Variants in KCNQ1 observed in about 807,000 individuals in gnomAD.
The protein encoded by KCNQ1 is potassium voltage-gated channel subfamily KQT member 1.
KCNQ1 carries 49 observed loss-of-function variants against 72.4 expected under a neutral mutation model. That is an observed-to-expected ratio of 0.68 (90% CI 0.54 to 0.86). The LOEUF is 0.86. Among genes scored for constraint, KCNQ1 ranks in the 40% least tolerant of loss-of-function variants. KCNQ1 has a pLI of 0.00. For missense variants in KCNQ1, 790 were observed against 945.1 expected (o/e 0.84, Z 2.15); for synonymous variants, 450 against 412.6 (o/e 1.09, Z -1.10).
chr11:2,682,931 C>A lies in KCNQ1; in HGVS notation c.1514+20850C>A. The A allele has an allele frequency of 2.5e-6, 1 of 398,570 alleles. No individual in the cohort carries two copies. Among genetic ancestry groups the A allele is most frequent in the South Asian group, 1.3e-4 (1 of 7,824 alleles). The allele number at this position is 398,570 out of a possible 1,614,324, so 24.7% of individuals were successfully genotyped here. A position where few individuals can be genotyped will look rare whatever the true frequency, so the allele number is the denominator to read the frequency against. On this transcript the variant is annotated intron_variant, in intron 11 of 15. Coordinates refer to ENST00000155840, the MANE Select transcript of KCNQ1 (RefSeq NM_000218.3). The surrounding 1 kb of genome is among the most constrained non-coding windows in gnomAD (Gnocchi z 5.8). ...GTGGCACCTGGAGAGGTGCTCAGGT[C>A]TGTGTGGAAGAAAGGACAGGAGTCC...
intron 15 of KCNQ1, among the ~76,000 whole-genome samples, chr11:2,841,646 C>T (rs1461091732): frequency 6.6e-6 from 1 of 152,232 alleles, no homozygotes; most frequent in Non-Finnish European, 1.5e-5. Flanking sequence ...GCCTGCAGGC[C>T]TTGGAGCCCC....
Position 2,769,283 on chromosome 11 carries a change from G to A in KCNQ1, c.1590+364G>A, listed in dbSNP as rs943938214. Among the ~76,000 whole-genome samples the A allele has an allele frequency of 4.6e-5, 7 of 152,154 alleles. No homozygotes were observed. Among genetic ancestry groups the A allele is most frequent in the African/African-American group, 9.7e-5 (4 of 41,436 alleles). On this transcript the variant is annotated intron_variant, in intron 12 of 15. Coordinates refer to ENST00000155840, the MANE Select transcript of KCNQ1 (RefSeq NM_000218.3). The surrounding 1 kb of genome is among the most constrained non-coding windows in gnomAD (Gnocchi z 4.6). ...CATCAGAATGACTCAGAGATGGTGC[G>A]GAGCCTGCCCTGAGTCACCAAGCTG...
chr11:2,584,199 C>G (rs1163582988), intron 7 of KCNQ1, among the ~76,000 whole-genome samples: 3 of 152,124 alleles, frequency 2.0e-5, no homozygotes, highest in African/African-American at 7.2e-5. Flanking sequence ...ATGCATTATA[C>G]ATGTATATCA....
Position 2,473,855 on chromosome 11 carries a change from C to A in KCNQ1, c.386+28371C>A, listed in dbSNP as rs949002353. Among the ~76,000 whole-genome samples the A allele has an allele frequency of 6.6e-6, 1 of 152,220 alleles. No individual in the cohort carries two copies. The highest frequency in any genetic ancestry group is 1.5e-5 in the Non-Finnish European group (1 of 68,026). ...CACCAGCTGGGCAGACAGCCGCATG[C>A]GCTCACCACTCGCCCTCCACAGATG... On this transcript the variant is annotated intron_variant, in intron 1 of 15. Transcript: ENST00000155840. This position sits in a 1 kb window ranked among gnomAD's most constrained non-coding sequence, Gnocchi z 6.0.
intron 8 of KCNQ1, among the ~76,000 whole-genome samples, chr11:2,587,116 C>T (rs1239758422): frequency 6.6e-6 from 1 of 152,206 alleles, no homozygotes; most frequent in Non-Finnish European, 1.5e-5. Context: ...TCTCCCTGCC[C>T]CCTGCTCAGC....
chr11:2,568,106 TAAAAAAATAC>T (rs1419082618), intron 2 of KCNQ1, among the ~76,000 whole-genome samples: 4 of 151,710 alleles, frequency 2.6e-5, no homozygotes, highest in East Asian at 1.9e-4. Flanking sequence ...CCATCTCTAC[TAAAAAAATAC>T]AAAAAAATTA....
At position 2,724,335 on chromosome 11, in the gene KCNQ1, G is replaced by A. The variant is rs941612259; in HGVS notation, c.1515-44509G>A. ...AGGTGACGGCCCTAAATCCTCAGGA[G>A]TGACAGCGTCCTCCCGCCCGGATTG... On this transcript the variant is annotated intron_variant, in intron 11 of 15. Transcript: ENST00000155840. The surrounding 1 kb of genome is among the most constrained non-coding windows in gnomAD (Gnocchi z 6.8). Among the ~76,000 whole-genome samples the A allele has an allele frequency of 1.3e-5, 2 of 152,196 alleles. No individual in the cohort carries two copies. Among genetic ancestry groups the A allele is most frequent in the Non-Finnish European group, 2.9e-5 (2 of 68,020 alleles).
intron 15 of KCNQ1, among the ~76,000 whole-genome samples, chr11:2,800,541 TG>T (rs1279496970): frequency 6.6e-6 from 1 of 151,302 alleles, no homozygotes; most frequent in Non-Finnish European, 1.5e-5. Context: ...GCCCAGGGAG[TG>T]GGGGAAGGGG....
At chr11:2,649,449 C>T in intron 10 of KCNQ1, 2 of 398,496 alleles carry the variant, frequency 5.0e-6, no homozygotes, top group Non-Finnish European at 4.4e-6. Flanking sequence ...CTCCCTTAAG[C>T]ATTTCTTGTG....
At chr11:2,836,917 C>T (rs938645498) in intron 15 of KCNQ1, among the ~76,000 whole-genome samples, 9 of 152,174 alleles carry the variant, frequency 5.9e-5, no homozygotes, top group South Asian at 2.1e-4. Context: ...GGCGGGAGAA[C>T]GTCTTCATAG....
intron 10 of KCNQ1, chr11:2,649,238 T>TA (rs1361493555): frequency 2.5e-6 from 1 of 398,428 alleles, no homozygotes; most frequent in Admixed American, 4.4e-5. Flanking sequence ...GGTGAGGACT[T>TA]ACTCCTGTCA....
intron 15 of KCNQ1, among the ~76,000 whole-genome samples, chr11:2,794,508 C>T (rs549897192): frequency 5.9e-5 from 9 of 152,258 alleles, no homozygotes; most frequent in Non-Finnish European, 4.4e-5. Context: ...AGGCCGTGGT[C>T]AGGGGCGGCA....
At position 2,566,410 on chromosome 11, in the gene KCNQ1, C is replaced by T. The variant is rs1023312849; in HGVS notation, c.478-4218C>T. 5.3e-5 allele frequency among the ~76,000 whole-genome samples: 8 copies of T among 152,272 alleles called. No individual in the cohort carries two copies. In the East Asian group the frequency reaches 1.5e-3, roughly 29 times the overall value. Reference sequence around the variant, plus strand: ...GGGGCGGGGCTCTCTCTGCCATGGACGCCAGTCTTCCCTCCCCTAAGCTGC... The same window carrying T: ...GGGGCGGGGCTCTCTCTGCCATGGATGCCAGTCTTCCCTCCCCTAAGCTGC... On this transcript the variant is annotated intron_variant, in intron 2 of 15. Transcript: ENST00000155840. The surrounding 1 kb of genome is among the most constrained non-coding windows in gnomAD (Gnocchi z 6.7).
chr11:2,476,303 G>A (rs903008617), intron 1 of KCNQ1, among the ~76,000 whole-genome samples: 24 of 152,088 alleles, frequency 1.6e-4, no homozygotes, highest in African/African-American at 5.6e-4. Context: ...TTAATTACAA[G>A]TTTAATTAAT....
intron 15 of KCNQ1, among the ~76,000 whole-genome samples, chr11:2,838,047 G>T (rs1047932183): frequency 6.6e-6 from 1 of 152,252 alleles, no homozygotes; most frequent in African/African-American, 2.4e-5. Flanking sequence ...GGGACAGACT[G>T]AGGAAGCCAG....
In KCNQ1 at chr11:2,678,630, A is replaced by G. The variant is rs72850276; in HGVS notation, c.1514+16549A>G. 0.041 allele frequency: 16,360 copies of G among 398,234 alleles called. 541 individuals are homozygous for G. The highest frequency in any genetic ancestry group is 0.11 in the African/African-American group (5,155 of 48,610). 24.7% of individuals were successfully genotyped at this position (398,234 alleles called of 1,614,324 possible). A position where few individuals can be genotyped will look rare whatever the true frequency, so the allele number is the denominator to read the frequency against. On this transcript the variant is annotated intron_variant, in intron 11 of 15. Transcript: ENST00000155840. This position sits in a 1 kb window ranked among gnomAD's most constrained non-coding sequence, Gnocchi z 4.9. ...CCTCATCTCCATTACTTAAGAGCCA[A>G]TAATGGGAAGCTCATTTTCACAAAT...
Position 2,848,054 on chromosome 11 carries a change from T to C in KCNQ1, c.*51T>C, listed in dbSNP as rs1848373912. 2 of 1,420,680 alleles carry C rather than the reference T, an allele frequency of 1.4e-6. No homozygotes were observed. The highest frequency in any genetic ancestry group is 1.9e-6 in the Non-Finnish European group (2 of 1,040,026). The allele number at this position is 1,420,680 out of a possible 1,614,324, so 88.0% of individuals were successfully genotyped here. A position where few individuals can be genotyped will look rare whatever the true frequency, so the allele number is the denominator to read the frequency against. On this transcript the variant is annotated 3_prime_UTR_variant, in exon 16 of 16. Transcript: ENST00000155840. ...CCTGAGTGAGAGGGGAGGCCAAGAG[T>C]GGCCCCACCTGGCCCTCTCTGAAGG...
In KCNQ1 at chr11:2,682,032, C is replaced by T; in HGVS notation, c.1514+19951C>T. 2.5e-6 allele frequency: 1 copy of T among 398,604 alleles called. No homozygotes were observed. Among genetic ancestry groups the T allele is most frequent in the East Asian group, 3.6e-5 (1 of 28,080 alleles). The allele number at this position is 398,604 out of a possible 1,614,324, so 24.7% of individuals were successfully genotyped here. A position where few individuals can be genotyped will look rare whatever the true frequency, so the allele number is the denominator to read the frequency against. On this transcript the variant is annotated intron_variant, in intron 11 of 15. Transcript: ENST00000155840. This position sits in a 1 kb window ranked among gnomAD's most constrained non-coding sequence, Gnocchi z 5.8. Reference sequence around the variant, plus strand: ...GCAGCTTTTAACACAAGAATATTATCACTCCTGTTTTATAGATAATCTCCT... The same window carrying T: ...GCAGCTTTTAACACAAGAATATTATTACTCCTGTTTTATAGATAATCTCCT...
chr11:2,776,840 C>T, intron 13 of KCNQ1, 146 bp from the exon 14 acceptor site: 1 of 781,038 alleles, frequency 1.3e-6, no homozygotes, highest in Non-Finnish European at 2.2e-6. Context: ...AGTGACCTGG[C>T]AGGCCTTAGG....
Sources: allele counts gnomAD v4.1 joint callset (sites outside exome capture counted in the v4.1 genomes callset), GRCh38; gene constraint gnomAD v4.1.1; non-coding constraint Gnocchi (gnomAD v3.1); transcripts MANE v1.5; gene names NCBI Gene and HGNC (gene_info 2026-07-23, HGNC 2026-07-21).